Variants in IL1RAPL1 observed in about 807,000 individuals in gnomAD.
The protein encoded by IL1RAPL1 is interleukin 1 receptor accessory protein like 1, also known as interleukin-1 receptor accessory protein-like 1.
In IL1RAPL1, 3 loss-of-function variants were observed where a neutral mutation model predicts 48.4. The ratio of observed to expected loss-of-function variants is 0.06; its 90% confidence interval spans 0.03 to 0.16. IL1RAPL1 has a LOEUF of 0.16. Ranked by LOEUF, IL1RAPL1 falls within the 10% of genes least tolerant of loss-of-function variation. The pLI, the probability that IL1RAPL1 is intolerant of heterozygous loss-of-function variation, is 1.00. For missense variants in IL1RAPL1, 349 were observed against 530.6 expected (o/e 0.66, Z 3.36); for synonymous variants, 185 against 187.7 (o/e 0.99, Z 0.12).
At chrX:29,897,633 A>G (rs1932413085) in intron 6 of IL1RAPL1, among the ~76,000 whole-genome samples, 1 of 111,992 alleles carries the variant, frequency 8.9e-6, no homozygotes, top group South Asian at 3.7e-4. Flanking sequence ...AGTTCAACCA[A>G]ACTGATTTAA....
intron 1 of IL1RAPL1, among the ~76,000 whole-genome samples, chrX:28,779,101 C>T (rs918118520): frequency 7.2e-5 from 8 of 111,717 alleles, no homozygotes; most frequent in African/African-American, 2.3e-4. Context: ...TGAGTGTGTG[C>T]ACTTAACCAC....
chrX:28,832,846 C>T (rs1404706836), intron 2 of IL1RAPL1, among the ~76,000 whole-genome samples: 140 of 70,219 alleles, frequency 2.0e-3, no homozygotes, highest in African/African-American at 6.9e-3. Context: ...TTTTTAGATT[C>T]AGGGGGTACA....
At chrX:28,662,239 C>T (rs766748949) in intron 1 of IL1RAPL1, among the ~76,000 whole-genome samples, 1 of 110,892 alleles carries the variant, frequency 9.0e-6, no homozygotes, top group African/African-American at 3.3e-5. Flanking sequence ...AGTTAAGCTT[C>T]TGAACTTTTC....
chrX:28,861,519 G>A (rs772746577), intron 2 of IL1RAPL1, among the ~76,000 whole-genome samples: 1 of 111,956 alleles, frequency 8.9e-6, no homozygotes, highest in Non-Finnish European at 1.9e-5. Flanking sequence ...TGAAGGGTTG[G>A]CTAGAAGAAC....
chrX:29,027,922 T>G lies in IL1RAPL1; in HGVS notation c.82+238497T>G, dbSNP rs536540157. ...CATTGTTGAGTTTTAAGATTTCTTT[T>G]TGTGTGTGTGTGTGTGTGTGTGTGT... On this transcript the variant is annotated intron_variant, in intron 2 of 10. Coordinates refer to ENST00000378993, the MANE Select transcript of IL1RAPL1 (RefSeq NM_014271.4). 2.5e-3 allele frequency among the ~76,000 whole-genome samples: 260 copies of G among 104,714 alleles called. 1 individual carries two copies. Among genetic ancestry groups the G allele is most frequent in the African/African-American group, 6.2e-3 (179 of 28,906 alleles). 90.9% of individuals were successfully genotyped at this position (104,714 alleles called of 115,157 possible). A position where few individuals can be genotyped will look rare whatever the true frequency, so the allele number is the denominator to read the frequency against.
intron 8 of IL1RAPL1, among the ~76,000 whole-genome samples, chrX:29,932,803 GTCTGAC>G (rs1402640800): frequency 8.9e-6 from 1 of 111,740 alleles, no homozygotes; most frequent in Admixed American, 9.5e-5. Flanking sequence ...CTGCTTACAT[GTCTGAC>G]TCTGAAACTA....
intron 6 of IL1RAPL1, among the ~76,000 whole-genome samples, chrX:29,699,464 C>G (rs755944731): frequency 2.0e-4 from 22 of 112,330 alleles, no homozygotes; most frequent in Admixed American, 9.4e-4. Flanking sequence ...CAGTCATTAT[C>G]AAATGACTTT....
intron 3 of IL1RAPL1, among the ~76,000 whole-genome samples, chrX:29,387,353 T>C (rs779881715): frequency 5.1e-4 from 57 of 112,344 alleles, no homozygotes; most frequent in Non-Finnish European, 9.2e-4. Flanking sequence ...CATTTCTAAA[T>C]GTGCTGAGTT....
intron 5 of IL1RAPL1, among the ~76,000 whole-genome samples, chrX:29,463,846 T>C (rs745608413): frequency 9.9e-5 from 11 of 111,409 alleles, no homozygotes; most frequent in Non-Finnish European, 1.7e-4. Flanking sequence ...ACCAACACCA[T>C]GTAAAAAGCT....
chrX:29,568,616 A>G (rs1469408590), intron 5 of IL1RAPL1, among the ~76,000 whole-genome samples: 1 of 111,345 alleles, frequency 9.0e-6, no homozygotes, highest in African/African-American at 3.3e-5. Flanking sequence ...TGGAGATCAA[A>G]TGAATTCTCA....
At chrX:29,612,172 C>T (rs1924115855) in intron 5 of IL1RAPL1, among the ~76,000 whole-genome samples, 1 of 111,138 alleles carries the variant, frequency 9.0e-6, no homozygotes, top group African/African-American at 3.3e-5. Context: ...ATTTCCCTGC[C>T]TCCTGTCCGT....
At chrX:29,444,770 A>G (rs1403786348) in intron 5 of IL1RAPL1, among the ~76,000 whole-genome samples, 1 of 112,158 alleles carries the variant, frequency 8.9e-6, no homozygotes, top group Non-Finnish European at 1.9e-5. Context: ...TGAGGAAAGT[A>G]TATAAATAAA....
intron 6 of IL1RAPL1, among the ~76,000 whole-genome samples, chrX:29,870,705 G>A (rs1038041225): frequency 2.7e-5 from 3 of 111,538 alleles, no homozygotes; most frequent in African/African-American, 3.3e-5. Context: ...TCTCAATGCC[G>A]AGGACTCATA....
At chrX:28,879,042 A>G (rs1022045889) in intron 2 of IL1RAPL1, among the ~76,000 whole-genome samples, 1 of 112,118 alleles carries the variant, frequency 8.9e-6, no homozygotes, top group African/African-American at 3.2e-5. Context: ...AAACTGAAGT[A>G]GAAGGTGCAA....
In IL1RAPL1 at chrX:29,395,770, T is replaced by G. The variant is rs550444990; in HGVS notation, c.363-488T>G. ...TAGCAAGACAACCAATAGTGTAACT[T>G]TTATCCAAGAATGTGTTCTGCCCAG... On this transcript the variant is annotated intron_variant, in intron 3 of 10. Transcript: ENST00000378993. Among the ~76,000 whole-genome samples the G allele has an allele frequency of 5.4e-5, 6 of 111,676 alleles. No individual in the cohort carries two copies. The South Asian group carries it at 2.3e-3, about 43-fold the overall frequency.
intron 6 of IL1RAPL1, among the ~76,000 whole-genome samples, chrX:29,887,340 A>G (rs958285766): frequency 8.9e-6 from 1 of 112,607 alleles, no homozygotes; most frequent in African/African-American, 3.2e-5. Context: ...TGTGGTTTGA[A>G]CTATTTGCAT....
At chrX:28,605,697 C>G (rs1300895810) in intron 1 of IL1RAPL1, among the ~76,000 whole-genome samples, 1 of 112,002 alleles carries the variant, frequency 8.9e-6, no homozygotes, top group Non-Finnish European at 1.9e-5. Flanking sequence ...GCTGATTTTA[C>G]TTGGAGTAAA....
intron 2 of IL1RAPL1, among the ~76,000 whole-genome samples, chrX:28,792,816 A>AAAAAAATAT: frequency 9.9e-5 from 1 of 10,107 alleles, no homozygotes. Context: ...AAAAAAAAAA[A>AAAAAAATAT]ATATATATAT....
intron 2 of IL1RAPL1, among the ~76,000 whole-genome samples, chrX:28,931,052 G>A (rs1357690852): frequency 9.0e-6 from 1 of 111,370 alleles, no homozygotes; most frequent in Non-Finnish European, 1.9e-5. Flanking sequence ...TTGAAAATGT[G>A]TATGCAGATA....
Sources: gnomAD v4.1 joint callset for allele counts (sites outside exome capture counted in the v4.1 genomes callset) on GRCh38, gnomAD v4.1.1 for gene constraint, MANE v1.5 for transcripts, NCBI Gene and HGNC (gene_info 2026-07-23, HGNC 2026-07-21) for gene names.